Variants in DOCK3 observed in about 807,000 individuals in gnomAD.
DOCK3 encodes the protein dedicator of cytokinesis 3.
In DOCK3, 60 loss-of-function variants were observed where a neutral mutation model predicts 265.6. That is an observed-to-expected ratio of 0.23 (90% CI 0.18 to 0.28). The LOEUF (loss-of-function observed/expected upper bound fraction) is 0.28, where lower values mean the gene tolerates loss of function less well. DOCK3 is among the 10% of genes least tolerant of loss of function. DOCK3 has a pLI of 1.00. For synonymous variants in DOCK3, 881 were observed against 938.0 expected (o/e 0.94, Z 1.11); for missense variants, 1,981 against 2,594.3 (o/e 0.76, Z 5.14).
At chr3:50,832,722 A>G (rs2045259144) in intron 2 of DOCK3, among the ~76,000 whole-genome samples, 1 of 152,084 alleles carries the variant, frequency 6.6e-6, no homozygotes, top group African/African-American at 2.4e-5. Context: ...TTACAAGGGA[A>G]CTCTTAATCC....
chr3:50,970,330 C>G (rs2108457383), intron 5 of DOCK3, among the ~76,000 whole-genome samples: 1 of 152,220 alleles, frequency 6.6e-6, no homozygotes, highest in Non-Finnish European at 1.5e-5. Flanking sequence ...ATCTGGATAT[C>G]TAAATCTCTA....
intron 5 of DOCK3, among the ~76,000 whole-genome samples, chr3:51,043,149 A>G (rs1353479967): frequency 6.6e-6 from 1 of 152,198 alleles, no homozygotes; most frequent in African/African-American, 2.4e-5. Context: ...ATCCTAAGCA[A>G]AAAGAGCTGG....
intron 27 of DOCK3, among the ~76,000 whole-genome samples, chr3:51,280,709 A>C (rs1014585990): frequency 2.6e-5 from 4 of 152,178 alleles, no homozygotes; most frequent in Non-Finnish European, 5.9e-5. Flanking sequence ...TTTTTATCAC[A>C]GATTGCTATA....
intron 5 of DOCK3, among the ~76,000 whole-genome samples, chr3:51,009,830 C>T (rs1287001405): frequency 2.0e-5 from 3 of 152,020 alleles, no homozygotes; most frequent in South Asian, 2.1e-4. Flanking sequence ...TTTGTTCTCT[C>T]TGGTTTCAAA....
intron 5 of DOCK3, among the ~76,000 whole-genome samples, chr3:51,036,942 C>T (rs1175477530): frequency 6.6e-6 from 1 of 152,168 alleles, no homozygotes; most frequent in Admixed American, 6.6e-5. Context: ...ACTTGCTCCT[C>T]CTTGCCTTCT....
intron 22 of DOCK3, among the ~76,000 whole-genome samples, chr3:51,250,954 T>G (rs941470816): frequency 7.2e-5 from 11 of 152,222 alleles, no homozygotes; most frequent in African/African-American, 2.7e-4. Flanking sequence ...TATGCCATGT[T>G]GATGTGCTGC....
chr3:50,777,702 G>C (rs949400413), intron 1 of DOCK3, among the ~76,000 whole-genome samples: 1 of 152,028 alleles, frequency 6.6e-6, no homozygotes, highest in Non-Finnish European at 1.5e-5. Context: ...TTGAGTTCTT[G>C]ATTTGATTCT....
intron 2 of DOCK3, among the ~76,000 whole-genome samples, chr3:50,780,941 A>G (rs914211666): frequency 2.0e-5 from 3 of 152,108 alleles, no homozygotes; most frequent in Admixed American, 1.3e-4. Context: ...TTCACTTAAC[A>G]TAATGTCCTC....
chr3:51,147,148 G>T (rs1218157657), intron 10 of DOCK3, among the ~76,000 whole-genome samples: 3 of 152,012 alleles, frequency 2.0e-5, no homozygotes, highest in Admixed American at 6.6e-5. Context: ...TATGACATAG[G>T]TCTTTCTTAC....
intron 27 of DOCK3, among the ~76,000 whole-genome samples, chr3:51,309,327 A>G (rs568454657): frequency 6.6e-6 from 1 of 152,338 alleles, no homozygotes; most frequent in East Asian, 1.9e-4. Flanking sequence ...TCCGTCTGCA[A>G]TCCCGGCACC....
intron 27 of DOCK3, among the ~76,000 whole-genome samples, chr3:51,297,023 C>T (rs1189969407): frequency 3.5e-5 from 5 of 141,708 alleles, no homozygotes; most frequent in Admixed American, 1.5e-4. Context: ...GAGGCTGAGG[C>T]ATGAGAATCG....
chr3:50,774,026 A>T (rs1444117097), intron 1 of DOCK3, among the ~76,000 whole-genome samples: 2 of 152,102 alleles, frequency 1.3e-5, no homozygotes, highest in Non-Finnish European at 2.9e-5. Flanking sequence ...TTGCAAATAT[A>T]GCCAAATATT....
chr3:51,081,004 AT>A (rs1211426436), intron 7 of DOCK3, among the ~76,000 whole-genome samples: 1 of 151,160 alleles, frequency 6.6e-6, no homozygotes, highest in African/African-American at 2.4e-5. Context: ...TGGAGACTTG[AT>A]TTTTATATTT....
chr3:51,282,302 A>G (rs981769113), intron 27 of DOCK3, among the ~76,000 whole-genome samples: 6 of 150,852 alleles, frequency 4.0e-5, no homozygotes, highest in Admixed American at 1.3e-4. Flanking sequence ...TTCTGATTAT[A>G]TCCATCTTAA....
chr3:50,727,568 C>T (rs1471640513), intron 1 of DOCK3, among the ~76,000 whole-genome samples: 2 of 152,010 alleles, frequency 1.3e-5, no homozygotes, highest in Admixed American at 6.6e-5. Context: ...TGTGGTGGCA[C>T]GTGCCTATAA....
At chr3:50,712,983 G>A (rs569829354) in intron 1 of DOCK3, among the ~76,000 whole-genome samples, 1 of 152,294 alleles carries the variant, frequency 6.6e-6, no homozygotes, top group South Asian at 2.1e-4. Context: ...AGAAATATAT[G>A]TAGGTCTCTG....
Position 50,874,058 on chromosome 3 carries a change from T to C in DOCK3, c.163-15968T>C, listed in dbSNP as rs368372035. On this transcript the variant is annotated intron_variant, in intron 3 of 52. Coordinates refer to ENST00000266037, the MANE Select transcript of DOCK3 (RefSeq NM_004947.5). ...CATGAAGGTGTTTTTTTTTTTTTCT[T>C]TTCTTTTGTTTTTTTTTTTTTTGTT... Among the ~76,000 whole-genome samples, 1,154 of 139,784 alleles carry C rather than the reference T, an allele frequency of 8.3e-3. 20 individuals are homozygous for C. The highest frequency in any genetic ancestry group is 0.027 in the African/African-American group (1,022 of 37,976). The allele number at this position is 139,784 out of a possible 152,430, so 91.7% of individuals were successfully genotyped here. A position where few individuals can be genotyped will look rare whatever the true frequency, so the allele number is the denominator to read the frequency against.
intron 5 of DOCK3, among the ~76,000 whole-genome samples, chr3:51,028,672 A>G (rs1450284586): frequency 6.6e-6 from 1 of 152,080 alleles, no homozygotes; most frequent in African/African-American, 2.4e-5. Context: ...ACTGGTCTTC[A>G]AGCTGTGAAA....
chr3:50,694,714 G>A (rs1480018405), intron 1 of DOCK3, among the ~76,000 whole-genome samples: 1 of 152,192 alleles, frequency 6.6e-6, no homozygotes, highest in Non-Finnish European at 1.5e-5. Flanking sequence ...GGGAGGCTGA[G>A]GTATGAGAAT....
Sources: gnomAD v4.1 joint callset for allele counts (sites outside exome capture counted in the v4.1 genomes callset) on GRCh38, gnomAD v4.1.1 for gene constraint, MANE v1.5 for transcripts, NCBI Gene and HGNC (gene_info 2026-07-23, HGNC 2026-07-21) for gene names.